Variants in TBC1D9B observed in about 807,000 individuals in gnomAD.
TBC1D9B encodes TBC1 domain family member 9B.
In TBC1D9B, 87 loss-of-function variants were observed where a neutral mutation model predicts 121.1. That is an observed-to-expected ratio of 0.72 (90% CI 0.60 to 0.86). The LOEUF (loss-of-function observed/expected upper bound fraction) is 0.86, where lower values mean the gene tolerates loss of function less well. Ranked by LOEUF, TBC1D9B falls within the 40% of genes least tolerant of loss-of-function variation. TBC1D9B has a pLI of 0.00. For synonymous variants in TBC1D9B, 668 were observed against 670.1 expected, an observed-to-expected ratio of 1.00 and a Z score of 0.05; for missense variants, 1,540 against 1,628.6, an observed-to-expected ratio of 0.95 and a Z score of 0.94.
intron 7 of TBC1D9B, chr5:179,887,895 G>C (rs967058011): frequency 7.8e-6 from 5 of 643,364 alleles, no homozygotes; most frequent in East Asian, 2.8e-5. Context: ...GAGGAGTACC[G>C]GGTGTGTGGC....
intron 4 of TBC1D9B, among the ~76,000 whole-genome samples, 197 bp downstream of exon 4, chr5:179,894,189 G>A (rs567504418): frequency 6.6e-6 from 1 of 152,188 alleles, no homozygotes; most frequent in Non-Finnish European, 1.5e-5. Context: ...ACTAGCGAGT[G>A]GGGGGCATGG....
chr5:179,867,924 C>T (rs1206197843), intron 17 of TBC1D9B, 75 bp from the exon 18 acceptor site: 2 of 1,403,860 alleles, frequency 1.4e-6, no homozygotes, highest in Non-Finnish European at 1.9e-6. Flanking sequence ...CCCTCCAGCC[C>T]TGGGCAGAGC....
Position 179,904,256 on chromosome 5 carries a change from G to A in TBC1D9B, c.229+446C>T, listed in dbSNP as rs374472994. ...TTTTTTTTTTTTGAGACGGAATCTC[G>A]CTGTGTCGCCCAGGCTGGAGTGCAG... On this transcript the variant is annotated intron_variant, in intron 2 of 20. Coordinates refer to ENST00000355235, the MANE Select transcript of TBC1D9B (RefSeq NM_015043.4). The surrounding 1 kb of genome is among the most constrained non-coding windows in gnomAD (Gnocchi z 4.2). 2.2e-4 allele frequency among the ~76,000 whole-genome samples: 28 copies of A among 125,344 alleles called. No homozygotes were observed. The highest frequency in any genetic ancestry group is 2.1e-3 in the East Asian group (9 of 4,342). The allele number at this position is 125,344 out of a possible 152,430, so 82.2% of individuals were successfully genotyped here. A position where few individuals can be genotyped will look rare whatever the true frequency, so the allele number is the denominator to read the frequency against.
At chr5:179,888,353 G>A (rs1760755136) in intron 6 of TBC1D9B, 41 bp from the exon 7 acceptor site, 1 of 1,597,292 alleles carries the variant, frequency 6.3e-7, no homozygotes, top group Non-Finnish European at 8.6e-7. Flanking sequence ...CTGCATCTCA[G>A]GCCCTGCAGC....
At chr5:179,893,701 T>C (rs898000397) in intron 4 of TBC1D9B, among the ~76,000 whole-genome samples, 1 of 150,874 alleles carries the variant, frequency 6.6e-6, no homozygotes. Flanking sequence ...CACCAGTGGC[T>C]GAAGGGGAAA....
chr5:179,893,873 C>T (rs1239827255), intron 4 of TBC1D9B, among the ~76,000 whole-genome samples: 1 of 152,110 alleles, frequency 6.6e-6, no homozygotes, highest in Admixed American at 6.5e-5. Flanking sequence ...GACAGGTAAG[C>T]GGCAAGGGCA....
chr5:179,895,396 C>A (rs1488577596), intron 3 of TBC1D9B, among the ~76,000 whole-genome samples: 2 of 152,138 alleles, frequency 1.3e-5, no homozygotes, highest in Non-Finnish European at 2.9e-5. Flanking sequence ...GATCACCCTG[C>A]AGCTCTGTTC....
intron 18 of TBC1D9B, 134 bp from the exon 19 acceptor site, chr5:179,866,022 C>T: frequency 1.9e-6 from 2 of 1,038,474 alleles, no homozygotes; most frequent in South Asian, 2.7e-5. Context: ...GCAGGTCTCC[C>T]ATGCCACACC....
chr5:179,870,448 G>A lies in TBC1D9B; in HGVS notation c.2532C>T (p.Ala844=), dbSNP rs370456667. 14 of 1,612,934 alleles carry A rather than the reference G, an allele frequency of 8.7e-6. No individual in the cohort carries two copies. The highest frequency in any genetic ancestry group is 1.6e-4 in the Middle Eastern group (1 of 6,062). The change falls in exon 16 of 21, where the codon GCC becomes GCT. Residue 844 remains alanine (A), a synonymous_variant. Coordinates refer to ENST00000355235, the MANE Select transcript of TBC1D9B (RefSeq NM_015043.4). ...SQYWGCSRTM[A]GRRDPSLPYL... is the part of the protein sequence containing the mutation. The stretch of plus-strand genomic sequence containing the variant: ...AGGGCAGGCTGGGGTCCCGACGGCC[G>A]GCCATTGTGCGGCTGCACCCCCAGT...
chr5:179,895,676 C>T (rs1035634975), intron 3 of TBC1D9B, among the ~76,000 whole-genome samples: 2 of 152,176 alleles, frequency 1.3e-5, no homozygotes, highest in African/African-American at 4.8e-5. Flanking sequence ...CATTGATTTT[C>T]TAGAAAGACA....
In TBC1D9B at chr5:179,865,427, AG is replaced by A; in HGVS notation, c.2915-68del. The A allele has an allele frequency of 6.8e-7, 1 of 1,470,054 alleles. No homozygotes were observed. The highest frequency in any genetic ancestry group is 1.7e-5 in the Admixed American group (1 of 59,734). 91.1% of individuals were successfully genotyped at this position (1,470,054 alleles called of 1,614,324 possible). A position where few individuals can be genotyped will look rare whatever the true frequency, so the allele number is the denominator to read the frequency against. On this transcript the variant is annotated intron_variant, in intron 19 of 20. Coordinates refer to ENST00000355235, the MANE Select transcript of TBC1D9B (RefSeq NM_015043.4). This position sits in a 1 kb window ranked among gnomAD's most constrained non-coding sequence, Gnocchi z 5.1. The stretch of plus-strand genomic sequence containing the variant: ...ACGGCTGCGGGCTGACAGCAGGGAG[AG>A]GAAGAGTTGGGTGTTTTCTGGCATG...
intron 12 of TBC1D9B, among the ~76,000 whole-genome samples, chr5:179,873,469 CTAACCCTGA>C (rs1760263716): frequency 2.0e-5 from 3 of 152,374 alleles, no homozygotes; most frequent in Admixed American, 2.0e-4. Context: ...GGCCTGAGCA[CTAACCCTGA>C]GGACGCTGGG....
chr5:179,896,670 G>A (rs1199502620), intron 3 of TBC1D9B, among the ~76,000 whole-genome samples: 2 of 151,548 alleles, frequency 1.3e-5, no homozygotes, highest in Middle Eastern at 3.2e-3. Context: ...TTACAGGTGC[G>A]CGACACCATG....
intron 15 of TBC1D9B, 144 bp from the exon 16 acceptor site, chr5:179,870,639 C>T: frequency 7.9e-7 from 1 of 1,268,956 alleles, no homozygotes; most frequent in East Asian, 2.6e-5. Flanking sequence ...CACTGCAGCA[C>T]CTCCCGAAAG....
intron 18 of TBC1D9B, chr5:179,866,127 C>A (rs776471002): frequency 7.8e-6 from 4 of 516,070 alleles, no homozygotes; most frequent in Non-Finnish European, 1.4e-5. Context: ...GGCCGCCAAA[C>A]CCTCAATTCC....
chr5:179,882,686 C>CA (rs1046821362), intron 7 of TBC1D9B, among the ~76,000 whole-genome samples: 1 of 152,040 alleles, frequency 6.6e-6, no homozygotes, highest in Non-Finnish European at 1.5e-5. Flanking sequence ...CCCATCTCTA[C>CA]AAAAAATACA....
In TBC1D9B at chr5:179,899,255, C is replaced by A; in HGVS notation, c.282G>T (p.Leu94Phe). The change falls in exon 3 of 21, where the codon TTG becomes TTT. Residue 94 changes from leucine (L) to phenylalanine (F), a missense_variant. Physicochemically the swap from Leu to Phe is conservative, Grantham distance 22. Transcript: ENST00000355235. ...TGTCGAAGATGGACAGTGTCTGGAG[C>A]AAGTTATTTTCCAGCCATTCCCAGT... is the stretch of plus-strand genomic sequence containing the variant. ...TKHWEWLENNLLQTLSIFDSE... is the reference protein window; with the variant it reads ...TKHWEWLENNFLQTLSIFDSE... The A allele has an allele frequency of 1.9e-6, 3 of 1,613,842 alleles. No homozygotes were observed. The highest frequency in any genetic ancestry group is 2.5e-6 in the Non-Finnish European group (3 of 1,179,974).
rs571061353 is a variant in TBC1D9B at position 179,873,113 on chromosome 5, G to A, written c.2316+6C>T. 6.2e-7 allele frequency: 1 copy of A among 1,611,048 alleles called. No individual in the cohort carries two copies. Among genetic ancestry groups the A allele is most frequent in the Admixed American group, 1.7e-5 (1 of 59,878 alleles). The stretch of plus-strand genomic sequence containing the variant: ...CCTGGCCAAAATGGCCCCACTGGGT[G>A]CTGACCTCATAGGACACTTTCAGGA... On this transcript the variant is annotated splice_donor_region_variant and intron_variant, in intron 13 of 20. Transcript: ENST00000355235.
At position 179,863,258 on chromosome 5, in the gene TBC1D9B, G is replaced by T; in HGVS notation, c.*190C>A. The T allele has an allele frequency of 1.5e-6, 1 of 647,308 alleles. No individual in the cohort carries two copies. Among genetic ancestry groups the T allele is most frequent in the Non-Finnish European group, 2.6e-6 (1 of 392,022 alleles). The allele number at this position is 647,308 out of a possible 1,614,324, so 40.1% of individuals were successfully genotyped here. On this transcript the variant is annotated 3_prime_UTR_variant, in exon 21 of 21. Transcript: ENST00000355235. This position sits in a 1 kb window ranked among gnomAD's most constrained non-coding sequence, Gnocchi z 4.5. ...GGCCCAGAAGCAGCCGGCGCCAGGA[G>T]ATGCAGGCCCAGGGAATCTGTCTAA...
Sources: allele counts gnomAD v4.1 joint callset (sites outside exome capture counted in the v4.1 genomes callset), GRCh38; gene constraint gnomAD v4.1.1; non-coding constraint Gnocchi (gnomAD v3.1); transcripts MANE v1.5; gene names NCBI Gene and HGNC (gene_info 2026-07-23, HGNC 2026-07-21).